BRF1: variants seen among roughly 807,000 people sequenced by gnomAD.
The protein encoded by BRF1 is transcription factor IIIB 90 kDa subunit.
BRF1 carries 59 observed loss-of-function variants against 81.7 expected under a neutral mutation model. That is an observed-to-expected ratio of 0.72 (90% CI 0.59 to 0.90). The LOEUF (loss-of-function observed/expected upper bound fraction) is 0.90, where lower values mean the gene tolerates loss of function less well. BRF1 is among the 40% of genes least tolerant of loss of function. The probability of loss-of-function intolerance (pLI) is 0.00; values close to 1 mark genes in which losing one functional copy is unlikely to be tolerated. For synonymous variants in BRF1, 491 were observed against 395.6 expected, an observed-to-expected ratio of 1.24 and a Z score of -2.86; for missense variants, 1,050 against 936.3, an observed-to-expected ratio of 1.12 and a Z score of -1.58.
Position 105,315,153 on chromosome 14 carries a change from C to A in BRF1, c.-162+169G>T. 1.8e-6 allele frequency: 1 copy of A among 543,234 alleles called. No homozygotes were observed. Among genetic ancestry groups the A allele is most frequent in the Non-Finnish European group, 2.4e-6 (1 of 417,662 alleles). The allele number at this position is 543,234 out of a possible 1,614,324, so 33.7% of individuals were successfully genotyped here. A position where few individuals can be genotyped will look rare whatever the true frequency, so the allele number is the denominator to read the frequency against. On this transcript the variant is annotated intron_variant, in intron 1 of 17. Coordinates refer to the BRF1 transcript ENST00000327359. This position sits in a 1 kb window ranked among gnomAD's most constrained non-coding sequence, Gnocchi z 4.4. ...TCCCCCAGCGGAGCCCAGGTCGCCC[C>A]CCGCGCCCCCGCCCGCCGGTTCGAC...
At chr14:105,281,309 G>A (rs1223005459) in intron 2 of BRF1, among the ~76,000 whole-genome samples, 14 of 131,216 alleles carry the variant, frequency 1.1e-4, no homozygotes, top group Admixed American at 8.7e-4. Flanking sequence ...TCCTGAGCCC[G>A]GGTGTGTGGA....
At chr14:105,243,722 ACAG>A (rs2054882039) in intron 5 of BRF1, among the ~76,000 whole-genome samples, 1 of 152,132 alleles carries the variant, frequency 6.6e-6, no homozygotes, top group South Asian at 2.1e-4. Context: ...ACGGCTGGGC[ACAG>A]TGGCTCACAC....
rs141443737 is a variant in BRF1 at position 105,294,586 on chromosome 14, A to C, written c.184+5860T>G. On this transcript the variant is annotated intron_variant, in intron 1 of 17. Transcript: ENST00000547530. ...AACTCTGTGCCCAGCAGTCCTAGGA[A>C]GATACCCAGGGAGTATGAGCATGGA... Among the ~76,000 whole-genome samples, 59 of 152,364 alleles carry C rather than the reference A, an allele frequency of 3.9e-4. No individual in the cohort carries two copies. The East Asian group carries it at 4.8e-3, about 12-fold the overall frequency.
chr14:105,244,818 C>T (rs753231554), intron 5 of BRF1, among the ~76,000 whole-genome samples: 2 of 151,954 alleles, frequency 1.3e-5, no homozygotes, highest in Non-Finnish European at 2.9e-5. Flanking sequence ...AATTCTGTAC[C>T]CCATGGAGTC....
chr14:105,222,907 C>A (rs1157155376), intron 10 of BRF1, among the ~76,000 whole-genome samples: 1 of 152,176 alleles, frequency 6.6e-6, no homozygotes, highest in Non-Finnish European at 1.5e-5. Flanking sequence ...GGATTACAGG[C>A]GTGAGGCTCT....
chr14:105,308,652 T>G (rs1202275130), intron 1 of BRF1, among the ~76,000 whole-genome samples: 1 of 150,912 alleles, frequency 6.6e-6, no homozygotes, highest in African/African-American at 2.4e-5. Context: ...CCAGCTAAGT[T>G]TTGCAGTTTT....
At position 105,241,463 on chromosome 14, in the gene BRF1, G is replaced by A. The variant is rs188256143; in HGVS notation, c.545-49C>T. 353 of 1,602,336 alleles carry A rather than the reference G, an allele frequency of 2.2e-4. 1 individual carries two copies. The African/African-American group carries it at 3.8e-3, about 17-fold the overall frequency. On this transcript the variant is annotated intron_variant, in intron 5 of 17. Transcript: ENST00000547530. ...TGCCCACCTCCATGTGCCATGGCAC[G>A]TGCACAGGCGGCCCACGCAGCCCAG...
At position 105,241,432 on chromosome 14, in the gene BRF1, C is replaced by T; in HGVS notation, c.545-18G>A. 1 of 1,609,058 alleles carries T rather than the reference C, an allele frequency of 6.2e-7. No individual in the cohort carries two copies. The highest frequency in any genetic ancestry group is 8.5e-7 in the Non-Finnish European group (1 of 1,179,804). On this transcript the variant is annotated intron_variant, in intron 5 of 17. Coordinates refer to ENST00000547530, the MANE Select transcript of BRF1 (RefSeq NM_001519.4). ...GCACGGGTCTGCGGCAGACACAGCA[C>T]CTCAGTGCCCACCTCCATGTGCCAT... is the stretch of plus-strand genomic sequence containing the variant.
intron 1 of BRF1, among the ~76,000 whole-genome samples, chr14:105,296,284 G>A (rs931296086): frequency 1.3e-5 from 2 of 152,048 alleles, no homozygotes; most frequent in Non-Finnish European, 2.9e-5. Context: ...CAGGACTTTG[G>A]GAGGCCGAGG....
intron 1 of BRF1, among the ~76,000 whole-genome samples, chr14:105,289,035 CAA>C (rs751051126): frequency 6.6e-4 from 64 of 96,410 alleles, no homozygotes; most frequent in Admixed American, 7.2e-4. Context: ...GACCCTGTCT[CAA>C]AAAAAAAAAA....
chr14:105,309,759 A>C lies in BRF1; in HGVS notation c.-162+5563T>G, dbSNP rs1296681939. 9.0e-5 allele frequency among the ~76,000 whole-genome samples: 13 copies of C among 144,894 alleles called. No homozygotes were observed. ...GTCTAGATTAGCCTGCATTAAGGAG[A>C]AGGTGGTGATGTGTGTCTTTTTTTT... On this transcript the variant is annotated intron_variant, in intron 1 of 17. Coordinates refer to the BRF1 transcript ENST00000327359. The surrounding 1 kb of genome is among the most constrained non-coding windows in gnomAD (Gnocchi z 4.0).
chr14:105,212,906 G>A (rs1890367873), intron 15 of BRF1: 1 of 152,266 alleles, frequency 6.6e-6, no homozygotes, highest in Non-Finnish European at 1.5e-5. Context: ...CACTGGGAAG[G>A]GACCCCATGA....
chr14:105,266,556 T>C (rs948578913), intron 3 of BRF1, among the ~76,000 whole-genome samples: 3 of 151,916 alleles, frequency 2.0e-5, no homozygotes, highest in Non-Finnish European at 2.9e-5. Context: ...CTTGGAAAAT[T>C]AGAAAGCAAG....
At chr14:105,227,094 C>T (rs1893230304) in intron 7 of BRF1, 1 of 269,332 alleles carries the variant, frequency 3.7e-6, no homozygotes, top group East Asian at 1.2e-4. Context: ...CCAGCCTGGG[C>T]AGCAGAGTGA....
At chr14:105,304,519 T>C (rs587709823), upstream of BRF1, among the ~76,000 whole-genome samples, 27 of 150,020 alleles carry the variant, frequency 1.8e-4, no homozygotes, top group Non-Finnish European at 3.3e-4. Flanking sequence ...AAATAAAATA[T>C]AAAAAAGGGT....
Position 105,221,871 on chromosome 14 carries a change from GTCC to G in BRF1, c.1089_1091del (p.Glu363del). The G allele has an allele frequency of 6.2e-7, 1 of 1,602,000 alleles. No homozygotes were observed. Among genetic ancestry groups the G allele is most frequent in the Admixed American group, 1.7e-5 (1 of 58,662 alleles). On this transcript the variant is annotated inframe_deletion, in exon 11 of 18. Coordinates refer to ENST00000547530, the MANE Select transcript of BRF1 (RefSeq NM_001519.4). Reference sequence around the variant, plus strand: ...CGGCTTCCAGCTCCTCGTCCTCTGTGTCCTCCTCGCCACACAAGCTGGACGCGG... The same window carrying G: ...CGGCTTCCAGCTCCTCGTCCTCTGTGTCCTCGCCACACAAGCTGGACGCGG...
chr14:105,226,943 TA>T, intron 7 of BRF1, 183 bp from the exon 8 acceptor site: 2 of 671,518 alleles, frequency 3.0e-6, no homozygotes, highest in Non-Finnish European at 4.6e-6. Context: ...ACTCTGTCTC[TA>T]CCCAAAAAAA....
chr14:105,220,404 T>G (rs746768372), intron 11 of BRF1, among the ~76,000 whole-genome samples: 5 of 152,196 alleles, frequency 3.3e-5, no homozygotes, highest in Admixed American at 2.0e-4. Context: ...AAAAGCAACT[T>G]TTTAAGAACA....
intron 1 of BRF1, among the ~76,000 whole-genome samples, chr14:105,292,964 A>T (rs1024919380): frequency 1.3e-5 from 2 of 152,186 alleles, no homozygotes; most frequent in Admixed American, 1.3e-4. Context: ...GGTTACGGAA[A>T]ACAGGACGTG....
Sources: allele counts gnomAD v4.1 joint callset (sites outside exome capture counted in the v4.1 genomes callset), GRCh38; gene constraint gnomAD v4.1.1; non-coding constraint Gnocchi (gnomAD v3.1); transcripts MANE v1.5; gene names NCBI Gene and HGNC (gene_info 2026-07-23, HGNC 2026-07-21).